The following NKAIN2 variants were observed in gnomAD, a reference collection of about 807,000 sequenced individuals.
NKAIN2 encodes the protein sodium/potassium-transporting ATPase subunit beta-1-interacting protein 2.
In NKAIN2, 14 loss-of-function variants were observed where a neutral mutation model predicts 32.6. That is an observed-to-expected ratio of 0.43 (90% CI 0.28 to 0.67). The LOEUF (loss-of-function observed/expected upper bound fraction) is 0.67, where lower values mean the gene tolerates loss of function less well. Among genes scored for constraint, NKAIN2 ranks in the 30% least tolerant of loss-of-function variants. NKAIN2 has a pLI of 0.17. For missense variants in NKAIN2, 198 were observed against 258.3 expected (o/e 0.77, Z 1.60); for synonymous variants, 80 against 87.2 (o/e 0.92, Z 0.46).
At chr6:123,843,984 A>T (rs1165389931) in intron 1 of NKAIN2, among the ~76,000 whole-genome samples, 1 of 152,142 alleles carries the variant, frequency 6.6e-6, no homozygotes, top group Non-Finnish European at 1.5e-5. Flanking sequence ...CGTAATGGGG[A>T]TTAATGACAA....
At chr6:124,241,393 T>C (rs1308973955) in intron 1 of NKAIN2, among the ~76,000 whole-genome samples, 2 of 152,158 alleles carry the variant, frequency 1.3e-5, no homozygotes, top group East Asian at 3.9e-4. Flanking sequence ...AAAAAACTAC[T>C]TTAAATTTCA....
chr6:124,694,685 A>G (rs996404797), intron 4 of NKAIN2, among the ~76,000 whole-genome samples: 43 of 152,210 alleles, frequency 2.8e-4, no homozygotes, highest in African/African-American at 1.0e-3. Flanking sequence ...AGTGACCTGC[A>G]CACATTCAAT....
intron 4 of NKAIN2, among the ~76,000 whole-genome samples, chr6:124,698,097 G>C (rs1343127567): frequency 6.6e-6 from 1 of 152,100 alleles, no homozygotes; most frequent in African/African-American, 2.4e-5. Flanking sequence ...CCAGGCTCCA[G>C]GTGATTTCTA....
chr6:124,791,525 T>G, intron 5 of NKAIN2, 126 bp downstream of exon 5: 1 of 546,992 alleles, frequency 1.8e-6, no homozygotes, highest in South Asian at 3.9e-5. Flanking sequence ...AATAAGCCTT[T>G]TGTGCCCATC....
intron 3 of NKAIN2, among the ~76,000 whole-genome samples, chr6:124,566,898 A>G (rs1051061660): frequency 1.3e-5 from 2 of 152,198 alleles, no homozygotes; most frequent in African/African-American, 4.8e-5. Context: ...GAAAGAGAGA[A>G]AGAAAGAAAA....
intron 3 of NKAIN2, among the ~76,000 whole-genome samples, chr6:124,410,375 G>A (rs1357360299): frequency 1.3e-5 from 2 of 152,028 alleles, no homozygotes; most frequent in African/African-American, 2.4e-5. Flanking sequence ...TGTGTCCCAG[G>A]GATTCTGGTA....
At chr6:123,904,154 C>G (rs1029436874) in intron 1 of NKAIN2, among the ~76,000 whole-genome samples, 1 of 151,846 alleles carries the variant, frequency 6.6e-6, no homozygotes, top group African/African-American at 2.4e-5. Context: ...TTGCTTGAAC[C>G]TGGGAGGCGG....
At chr6:124,505,529 C>A (rs1369630137) in intron 3 of NKAIN2, among the ~76,000 whole-genome samples, 1 of 152,188 alleles carries the variant, frequency 6.6e-6, no homozygotes. Context: ...GAAATAATTC[C>A]ATGCTGAGAC....
chr6:124,802,512 T>C (rs1780307713), intron 5 of NKAIN2, among the ~76,000 whole-genome samples: 1 of 152,232 alleles, frequency 6.6e-6, no homozygotes, highest in South Asian at 2.1e-4. Flanking sequence ...TATTTCACCA[T>C]AATCTTCATT....
At chr6:123,952,915 T>A (rs568598336) in intron 1 of NKAIN2, among the ~76,000 whole-genome samples, 1 of 152,336 alleles carries the variant, frequency 6.6e-6, no homozygotes, top group South Asian at 2.1e-4. Flanking sequence ...AGAGTCACTG[T>A]ATTACTTTGG....
chr6:124,708,872 T>G (rs1156840161), intron 4 of NKAIN2, among the ~76,000 whole-genome samples: 1 of 143,958 alleles, frequency 6.9e-6, no homozygotes, highest in Non-Finnish European at 1.5e-5. Flanking sequence ...CTTCCAACAC[T>G]ATGTTGAATA....
intron 1 of NKAIN2, among the ~76,000 whole-genome samples, chr6:124,209,118 C>A (rs1475440188): frequency 6.6e-6 from 1 of 151,374 alleles, no homozygotes; most frequent in Non-Finnish European, 1.5e-5. Flanking sequence ...TTATACCCGC[C>A]TCGCCGCTAC....
At chr6:124,637,476 T>A (rs1783817893) in intron 3 of NKAIN2, among the ~76,000 whole-genome samples, 1 of 152,042 alleles carries the variant, frequency 6.6e-6, no homozygotes, top group African/African-American at 2.4e-5. Flanking sequence ...ATTTTTGTGT[T>A]ATTTTTTATT....
chr6:124,257,703 G>T (rs538079669), intron 1 of NKAIN2, among the ~76,000 whole-genome samples: 5 of 151,814 alleles, frequency 3.3e-5, no homozygotes, highest in African/African-American at 9.7e-5. Context: ...CCTAGCAAAT[G>T]CTTATAAAGC....
intron 3 of NKAIN2, among the ~76,000 whole-genome samples, chr6:124,472,133 T>C (rs1777000484): frequency 6.6e-6 from 1 of 152,128 alleles, no homozygotes; most frequent in South Asian, 2.1e-4. Context: ...TTAAATCTTA[T>C]ACATTTTACT....
rs182654304 is a variant in NKAIN2, at chr6:124,357,181, G to A, written c.273+1834G>A. 4.0e-4 allele frequency among the ~76,000 whole-genome samples: 61 copies of A among 152,084 alleles called. No homozygotes were observed. The East Asian group carries it at 0.011, about 28-fold the overall frequency. ...ATTTTCTTCTCATCCTATAAACCAAGGCTGGGCTCTGCAGAGCACATGAAA... is the reference window on the plus strand; with the variant it reads ...ATTTTCTTCTCATCCTATAAACCAAAGCTGGGCTCTGCAGAGCACATGAAA... On this transcript the variant is annotated intron_variant, in intron 3 of 6. Coordinates refer to ENST00000368417, the MANE Select transcript of NKAIN2 (RefSeq NM_001040214.3).
chr6:124,430,859 C>A (rs1311196344), intron 3 of NKAIN2, among the ~76,000 whole-genome samples: 1 of 152,150 alleles, frequency 6.6e-6, no homozygotes, highest in Non-Finnish European at 1.5e-5. Flanking sequence ...CAGAGCAACA[C>A]GTGCACACAC....
intron 2 of NKAIN2, among the ~76,000 whole-genome samples, chr6:124,330,291 C>T (rs746284072): frequency 2.0e-5 from 3 of 152,028 alleles, no homozygotes; most frequent in Non-Finnish European, 2.9e-5. Context: ...TTCAGTACCT[C>T]GGTAATAGAC....
chr6:124,469,351 C>A (rs573049711), intron 3 of NKAIN2, among the ~76,000 whole-genome samples: 1 of 152,204 alleles, frequency 6.6e-6, no homozygotes, highest in African/African-American at 2.4e-5. Context: ...AAAAATAATT[C>A]TGCTCAGCAG....
Sources: allele counts gnomAD v4.1 joint callset (sites outside exome capture counted in the v4.1 genomes callset), GRCh38; gene constraint gnomAD v4.1.1; transcripts MANE v1.5; gene names NCBI Gene and HGNC (gene_info 2026-07-23, HGNC 2026-07-21).